DLGAP1: variants seen among roughly 807,000 people sequenced by gnomAD.
DLGAP1 encodes DLG associated protein 1.
A neutral mutation model predicts 90.8 loss-of-function variants in DLGAP1; 11 were observed. That is an observed-to-expected ratio of 0.12 (90% CI 0.08 to 0.20). DLGAP1 has a LOEUF of 0.20. Ranked by LOEUF, DLGAP1 falls within the 10% of genes least tolerant of loss-of-function variation. The pLI is 1.00. For missense variants in DLGAP1, 1,050 were observed against 1,333.8 expected (o/e 0.79, Z 3.31); for synonymous variants, 558 against 540.7 (o/e 1.03, Z -0.44).
At chr18:3,658,032 A>C (rs565607925) in intron 7 of DLGAP1, among the ~76,000 whole-genome samples, 1 of 152,232 alleles carries the variant, frequency 6.6e-6, no homozygotes, top group South Asian at 2.1e-4. Context: ...TACTATTATT[A>C]TATCTTTTAT....
intron 10 of DLGAP1, among the ~76,000 whole-genome samples, chr18:3,512,211 A>G (rs1381282855): frequency 3.3e-5 from 5 of 152,054 alleles, no homozygotes; most frequent in Non-Finnish European, 7.4e-5. Flanking sequence ...GACTCATACC[A>G]TCTATTTGTG....
At chr18:3,833,140 TC>T (rs1358462753) in intron 4 of DLGAP1, among the ~76,000 whole-genome samples, 4 of 406 alleles carry the variant, frequency 9.9e-3, no homozygotes, top group South Asian at 0.2. Flanking sequence ...ATTCCTTCCT[TC>T]CTTCCTTCCT....
chr18:3,742,177 C>A (rs1314988641), intron 6 of DLGAP1, among the ~76,000 whole-genome samples, 158 bp downstream of exon 6: 1 of 152,166 alleles, frequency 6.6e-6, no homozygotes, highest in East Asian at 1.9e-4. Context: ...GCGGCTGAAC[C>A]CATGGCATGC....
intron 3 of DLGAP1, among the ~76,000 whole-genome samples, chr18:3,918,815 G>A (rs148790844): frequency 1.1e-4 from 16 of 152,264 alleles, no homozygotes; most frequent in Admixed American, 5.9e-4. Flanking sequence ...GGCAGAGACT[G>A]GAAAGAAGGG....
intron 1 of DLGAP1, among the ~76,000 whole-genome samples, chr18:4,331,660 GC>G (rs2080955949): frequency 1.3e-5 from 2 of 151,142 alleles, no homozygotes; most frequent in South Asian, 4.2e-4. Flanking sequence ...GATGACTGGC[GC>G]CCTGCTTCCT....
chr18:3,777,735 G>C (rs574473546), intron 5 of DLGAP1, among the ~76,000 whole-genome samples: 10 of 152,194 alleles, frequency 6.6e-5, no homozygotes, highest in Non-Finnish European at 1.5e-4. Context: ...ATTTGGGTCA[G>C]CAAGACAAGA....
intron 2 of DLGAP1, among the ~76,000 whole-genome samples, chr18:4,136,724 A>G (rs2076407559): frequency 6.6e-6 from 1 of 152,088 alleles, no homozygotes; most frequent in South Asian, 2.1e-4. Flanking sequence ...CCTTTGCTGT[A>G]CAGCAGCTTT....
intron 9 of DLGAP1, among the ~76,000 whole-genome samples, chr18:3,562,101 C>T (rs560840642): frequency 5.3e-5 from 8 of 152,150 alleles, no homozygotes; most frequent in African/African-American, 1.9e-4. Flanking sequence ...GTGGCGGGCA[C>T]CTGTAATCCC....
chr18:3,801,426 T>C (rs567273658), intron 5 of DLGAP1, among the ~76,000 whole-genome samples: 1 of 152,334 alleles, frequency 6.6e-6, no homozygotes, highest in Admixed American at 6.5e-5. Flanking sequence ...CTTACTTGAT[T>C]TCAAACTGTC....
intron 7 of DLGAP1, among the ~76,000 whole-genome samples, chr18:3,589,030 A>G (rs576447119): frequency 6.0e-5 from 9 of 151,112 alleles, no homozygotes; most frequent in Non-Finnish European, 1.5e-5. Context: ...AAAAATATAT[A>G]AAAAAAAATT....
intron 3 of DLGAP1, among the ~76,000 whole-genome samples, chr18:3,907,107 T>C (rs989121372): frequency 6.6e-6 from 1 of 152,212 alleles, no homozygotes; most frequent in Admixed American, 6.5e-5. Context: ...CGATTTTATA[T>C]TGGGGACATG....
chr18:4,186,060 A>G (rs959749788), intron 1 of DLGAP1, among the ~76,000 whole-genome samples: 5 of 149,722 alleles, frequency 3.3e-5, no homozygotes, highest in Admixed American at 6.8e-5. Flanking sequence ...TCATCTGCTT[A>G]TTGGCCTCAT....
rs368116558 is a variant in DLGAP1 at position 4,103,411 on chromosome 18, T to C, written c.-159+47769A>G. ...ATATTTATTTCCAGCTGTTTGATGA[T>C]ATTGGTTACTATGGTAAAGAGCACT... is the stretch of plus-strand genomic sequence containing the variant. On this transcript the variant is annotated intron_variant, in intron 2 of 12. Coordinates refer to ENST00000315677, the MANE Select transcript of DLGAP1 (RefSeq NM_004746.4). Among the ~76,000 whole-genome samples, 118 of 152,282 alleles carry C rather than the reference T, an allele frequency of 7.7e-4. 4 individuals carry two copies. In the South Asian group the frequency reaches 0.015, roughly 20 times the overall value.
chr18:3,652,307 CT>C (rs1156977277), intron 7 of DLGAP1, among the ~76,000 whole-genome samples: 1 of 152,002 alleles, frequency 6.6e-6, no homozygotes, highest in Non-Finnish European at 1.5e-5. Flanking sequence ...GCTTGTCATA[CT>C]ATGAACAACA....
At chr18:3,667,715 G>T (rs910655375) in intron 7 of DLGAP1, among the ~76,000 whole-genome samples, 41 of 152,248 alleles carry the variant, frequency 2.7e-4, no homozygotes, top group Non-Finnish European at 5.9e-4. Context: ...CTGAGAATAT[G>T]CTGGGGCCTG....
intron 1 of DLGAP1, among the ~76,000 whole-genome samples, chr18:4,361,590 T>A (rs1266271744): frequency 6.6e-6 from 1 of 152,184 alleles, no homozygotes; most frequent in Non-Finnish European, 1.5e-5. Context: ...TAATGCTACA[T>A]ATAAAAATTA....
intron 1 of DLGAP1, among the ~76,000 whole-genome samples, chr18:4,312,050 C>A (rs2080414239): frequency 6.6e-6 from 1 of 152,084 alleles, no homozygotes; most frequent in Admixed American, 6.6e-5. Context: ...AGGATTTCAC[C>A]ATGTTGGAAA....
chr18:3,639,415 G>A (rs1335027768), intron 7 of DLGAP1, among the ~76,000 whole-genome samples: 2 of 131,864 alleles, frequency 1.5e-5, no homozygotes, highest in African/African-American at 6.4e-5. Context: ...AATCCCCAAA[G>A]CTGTGAACCA....
intron 7 of DLGAP1, chr18:3,603,728 G>A (rs1271238894): frequency 6.5e-6 from 1 of 154,364 alleles, no homozygotes; most frequent in Non-Finnish European, 1.5e-5. Context: ...GCACAGTAAG[G>A]GAATTCCTGT....
Sources: allele counts gnomAD v4.1 joint callset (sites outside exome capture counted in the v4.1 genomes callset), GRCh38; gene constraint gnomAD v4.1.1; transcripts MANE v1.5; gene names NCBI Gene and HGNC (gene_info 2026-07-23, HGNC 2026-07-21).